BNIPL: variants seen among roughly 807,000 people sequenced by gnomAD.
BNIPL encodes the protein bcl-2/adenovirus E1B 19 kDa-interacting protein 2-like protein.
In BNIPL, 33 loss-of-function variants were observed where a neutral mutation model predicts 47.0. The observed-to-expected ratio is 0.70, with a 90% CI of 0.53 to 0.94. BNIPL has a LOEUF of 0.94. Ranked by LOEUF, BNIPL falls within the 40% of genes least tolerant of loss-of-function variation. The pLI is 0.00. For missense variants in BNIPL, 404 were observed against 445.2 expected (o/e 0.91, Z 0.83); for synonymous variants, 145 against 162.7 (o/e 0.89, Z 0.83).
At chr1:151,046,032 A>G (rs587723896) in intron 8 of BNIPL, 35 bp from the exon 9 acceptor site, 70 of 1,613,948 alleles carry the variant, frequency 4.3e-5, no homozygotes, top group South Asian at 4.1e-4. Flanking sequence ...CCTTCTCCCA[A>G]TACAAAACAC....
Position 151,046,782 on chromosome 1 carries a change from CCAACCTCA to C in BNIPL, c.*96_*103del. The C allele has an allele frequency of 1.0e-5, 10 of 983,250 alleles. No homozygotes were observed. Among genetic ancestry groups the C allele is most frequent in the South Asian group, 1.9e-5 (1 of 52,898 alleles). The allele number at this position is 983,250 out of a possible 1,614,324, so 60.9% of individuals were successfully genotyped here. On this transcript the variant is annotated 3_prime_UTR_variant, in exon 10 of 10. Coordinates refer to ENST00000368931, the MANE Select transcript of BNIPL (RefSeq NM_138278.4). ...AACTGTTTTGTAAATCATCTTATCCCCAACCTCAGTACCACCGGATCTTCACTTCTCAG... is the reference window on the plus strand; with the variant it reads ...AACTGTTTTGTAAATCATCTTATCCCGTACCACCGGATCTTCACTTCTCAG...
chr1:151,045,476 A>G (rs587704811), intron 7 of BNIPL: 73 of 225,220 alleles, frequency 3.2e-4, no homozygotes, highest in African/African-American at 1.7e-3. Flanking sequence ...GGAGAATGGC[A>G]TGAACCCGGG....
intron 4 of BNIPL, among the ~76,000 whole-genome samples, chr1:151,040,450 G>A (rs587763633): frequency 1.3e-5 from 2 of 152,042 alleles, no homozygotes; most frequent in Non-Finnish European, 2.9e-5. Flanking sequence ...CAAAGTGTTG[G>A]GATTACAGGC....
At chr1:151,037,194 G>A (rs1675639828) in intron 1 of BNIPL, 1 of 363,616 alleles carries the variant, frequency 2.8e-6, no homozygotes, top group Non-Finnish European at 4.3e-6. Flanking sequence ...CCCCAGCTCG[G>A]TGGAGGAAAG....
Position 151,043,090 on chromosome 1 carries a change from G to T in BNIPL, c.568G>T (p.Val190Leu). The change falls in exon 5 of 10, where the codon GTA (valine) becomes TTA (leucine). Residue 190 changes from valine (V) to leucine (L), a missense_variant. Physicochemically the swap from Val to Leu is conservative, Grantham distance 32. Coordinates refer to ENST00000368931, the MANE Select transcript of BNIPL (RefSeq NM_138278.4). ...VFRMGPREQR[V>L]DMTVIEPYKK... is the part of the protein sequence containing the mutation. ...CCGAATGGGACCACGGGAGCAGCGC[G>T]TAGACATGACTGTCATTGAGCCCTA... 1 of 1,612,460 alleles carries T rather than the reference G, an allele frequency of 6.2e-7. No individual in the cohort carries two copies. The highest frequency in any genetic ancestry group is 8.5e-7 in the Non-Finnish European group (1 of 1,179,558).
chr1:151,043,826 T>G (rs988607281), intron 7 of BNIPL, 99 bp downstream of exon 7: 1 of 1,405,292 alleles, frequency 7.1e-7, no homozygotes, highest in Non-Finnish European at 9.6e-7. Flanking sequence ...CCTATTTTCT[T>G]TGTCCTTTTA....
intron 4 of BNIPL, among the ~76,000 whole-genome samples, chr1:151,039,679 C>A (rs1267714958): frequency 6.6e-6 from 1 of 152,204 alleles, no homozygotes; most frequent in African/African-American, 2.4e-5. Flanking sequence ...AAGGTCACAT[C>A]ATGGAGGCCC....
At chr1:151,040,811 A>AGG (rs1487213959) in intron 4 of BNIPL, among the ~76,000 whole-genome samples, 1 of 147,172 alleles carries the variant, frequency 6.8e-6, no homozygotes, top group African/African-American at 2.5e-5. Flanking sequence ...AAAAAAAAAA[A>AGG]AAGAAGAAGC....
In BNIPL at chr1:151,047,660, T is replaced by C. The variant is rs1676077933; in HGVS notation, c.*973T>C. 3.2e-6 allele frequency: 3 copies of C among 934,178 alleles called. No homozygotes were observed. In the Admixed American group the frequency reaches 1.0e-4, roughly 33 times the overall value. The allele number at this position is 934,178 out of a possible 1,614,324, so 57.9% of individuals were successfully genotyped here. A position where few individuals can be genotyped will look rare whatever the true frequency, so the allele number is the denominator to read the frequency against. ...AAACCTTCGGTTCTGGCAGAGTTCT[T>C]GCCGCAGAGGTTCCTTAGGAGCACC... On this transcript the variant is annotated 3_prime_UTR_variant, in exon 10 of 10. Transcript: ENST00000368931.
chr1:151,040,884 A>G (rs1675798301), intron 4 of BNIPL, among the ~76,000 whole-genome samples: 1 of 151,770 alleles, frequency 6.6e-6, no homozygotes, highest in African/African-American at 2.4e-5. Flanking sequence ...TATCATTTGA[A>G]TAAAAAGCTA....
At chr1:151,044,762 T>A in intron 7 of BNIPL, 2 of 1,225,096 alleles carry the variant, frequency 1.6e-6, no homozygotes, top group Non-Finnish European at 2.1e-6. Context: ...GCCCTGTGTC[T>A]TCTTTTCCTT....
intron 2 of BNIPL, among the ~76,000 whole-genome samples, chr1:151,038,000 C>CAAAA (rs58423611): frequency 4.7e-5 from 3 of 63,970 alleles, no homozygotes; most frequent in Non-Finnish European, 7.7e-5. Flanking sequence ...AACTCTGTCT[C>CAAAA]AAAAAAAAAA....
Position 151,037,681 on chromosome 1 carries a change from G to A in BNIPL, c.137+19G>A. 1 of 1,570,456 alleles carries A rather than the reference G, an allele frequency of 6.4e-7. No individual in the cohort carries two copies. Among genetic ancestry groups the A allele is most frequent in the Non-Finnish European group, 8.7e-7 (1 of 1,154,596 alleles). ...TCCCTAGGTGAGGACGTGTGAGGGTGGCTGGGAGAAGGGAGGGGTGGTCAC... is the reference window on the plus strand; with the variant it reads ...TCCCTAGGTGAGGACGTGTGAGGGTAGCTGGGAGAAGGGAGGGGTGGTCAC... On this transcript the variant is annotated intron_variant, in intron 2 of 9. Coordinates refer to ENST00000368931, the MANE Select transcript of BNIPL (RefSeq NM_138278.4).
At chr1:151,045,245 C>T (rs112207418) in intron 7 of BNIPL, among the ~76,000 whole-genome samples, 1 of 109,990 alleles carries the variant, frequency 9.1e-6, no homozygotes, top group African/African-American at 3.7e-5. Flanking sequence ...TCCAGCCTGG[C>T]GACAGAGTGA....
In BNIPL at chr1:151,047,545, T is replaced by C. The variant is rs587630379; in HGVS notation, c.*858T>C. ...CTGTATTTTTGCCCTCTTTAGTAAA[T>C]TTAGAACTGTAGAGGCTAATAAACT... On this transcript the variant is annotated 3_prime_UTR_variant, in exon 10 of 10. Transcript: ENST00000368931. 7.1e-5 allele frequency: 27 copies of C among 380,788 alleles called. No homozygotes were observed. Among genetic ancestry groups the C allele is most frequent in the Non-Finnish European group, 1.3e-4 (27 of 213,170 alleles). The allele number at this position is 380,788 out of a possible 1,614,324, so 23.6% of individuals were successfully genotyped here.
At chr1:151,044,516 C>G (rs958539301) in intron 7 of BNIPL, among the ~76,000 whole-genome samples, 32 of 152,060 alleles carry the variant, frequency 2.1e-4, no homozygotes, top group Non-Finnish European at 4.0e-4. Flanking sequence ...GATCTTGGCT[C>G]GCTGCAGCCT....
chr1:151,038,920 G>A lies in BNIPL; in HGVS notation c.327G>A (p.Gln109=). Residue 109 remains glutamine, a synonymous_variant, in exon 4 of 10, where the codon CAG becomes CAA. Transcript: ENST00000368931. ...GPGNDGASPT[Q]SAPSSPDGSS... is the part of the protein sequence containing the mutation. ...GAAATGATGGAGCTTCACCCACCCA[G>A]TCTGCACCTTCCTCTCCTGATGGCA... 1 of 1,614,040 alleles carries A rather than the reference G, an allele frequency of 6.2e-7. No individual in the cohort carries two copies. Among genetic ancestry groups the A allele is most frequent in the Non-Finnish European group, 8.5e-7 (1 of 1,179,982 alleles).
chr1:151,040,065 TC>T (rs1382833300), intron 4 of BNIPL, among the ~76,000 whole-genome samples: 2 of 151,916 alleles, frequency 1.3e-5, no homozygotes, highest in Non-Finnish European at 2.9e-5. Flanking sequence ...AAGGTTTTAA[TC>T]AAAGGAGTAA....
Position 151,043,678 on chromosome 1 carries a change from G to C in BNIPL, c.802G>C (p.Val268Leu), listed in dbSNP as rs1221395583. 2.0e-5 allele frequency: 32 copies of C among 1,613,860 alleles called. No individual in the cohort carries two copies. Among genetic ancestry groups the C allele is most frequent in the Non-Finnish European group, 2.7e-5 (32 of 1,179,796 alleles). ...HLSGGTSRAQ[V>L]PPLSWIRQCY... ...GAGTGGAGGCACAAGCAGGGCCCAAGTTCCACCTCTAAGCTGGATACGTCA... is the reference window on the plus strand; with the variant it reads ...GAGTGGAGGCACAAGCAGGGCCCAACTTCCACCTCTAAGCTGGATACGTCA... The change falls in exon 7 of 10, where the codon GTT becomes CTT. Residue 268 changes from valine (V) to leucine (L), a missense_variant. Coordinates refer to ENST00000368931, the MANE Select transcript of BNIPL (RefSeq NM_138278.4).
Sources: allele counts gnomAD v4.1 joint callset (sites outside exome capture counted in the v4.1 genomes callset), GRCh38; gene constraint gnomAD v4.1.1; transcripts MANE v1.5; gene names NCBI Gene and HGNC (gene_info 2026-07-23, HGNC 2026-07-21).